Variants in KCND2 observed in about 807,000 individuals in gnomAD.
KCND2 encodes potassium voltage-gated channel subfamily D member 2.
A neutral mutation model predicts 54.4 loss-of-function variants in KCND2; 16 were observed. That is an observed-to-expected ratio of 0.29 (90% CI 0.20 to 0.45). KCND2 has a LOEUF of 0.45. Among genes scored for constraint, KCND2 ranks in the 20% least tolerant of loss-of-function variants. The pLI is 1.00. For missense variants in KCND2, 486 were observed against 824.2 expected (o/e 0.59, Z 5.02); for synonymous variants, 317 against 310.7 (o/e 1.02, Z -0.21).
At chr7:120,449,525 A>T (rs1563049617) in intron 1 of KCND2, among the ~76,000 whole-genome samples, 1 of 152,188 alleles carries the variant, frequency 6.6e-6, no homozygotes, top group Non-Finnish European at 1.5e-5. Context: ...TTTTCATAAA[A>T]CATTGGTTTA....
chr7:120,451,574 ACT>A (rs1218300283), intron 1 of KCND2, among the ~76,000 whole-genome samples: 4 of 152,164 alleles, frequency 2.6e-5, no homozygotes, highest in Non-Finnish European at 5.9e-5. Context: ...AGGTTGACAA[ACT>A]CTGATTCCTA....
intron 1 of KCND2, among the ~76,000 whole-genome samples, chr7:120,432,317 T>C (rs1801803137): frequency 6.6e-6 from 1 of 152,234 alleles, no homozygotes; most frequent in South Asian, 2.1e-4. Context: ...GTAGTATATG[T>C]ACATTGGGAT....
chr7:120,372,357 GA>G (rs1007172393), intron 1 of KCND2, among the ~76,000 whole-genome samples: 4 of 148,866 alleles, frequency 2.7e-5, no homozygotes, highest in East Asian at 2.0e-4. Context: ...ATCTGAAAAT[GA>G]AAAAAAAATG....
At chr7:120,610,844 TATTGCTTGGTAA>T (rs1463282212) in intron 1 of KCND2, among the ~76,000 whole-genome samples, 8 of 152,202 alleles carry the variant, frequency 5.3e-5, no homozygotes, top group African/African-American at 1.9e-4. Flanking sequence ...ACCTTGTTTT[TATTGCTTGGTAA>T]TGCAGATAAA....
At chr7:120,583,559 T>A (rs1792547341) in intron 1 of KCND2, among the ~76,000 whole-genome samples, 1 of 152,146 alleles carries the variant, frequency 6.6e-6, no homozygotes, top group Admixed American at 6.6e-5. Flanking sequence ...CTGTGAGGTC[T>A]CTCTCTGGCT....
intron 1 of KCND2, among the ~76,000 whole-genome samples, chr7:120,425,158 T>C (rs1369347345): frequency 6.6e-6 from 1 of 152,070 alleles, no homozygotes; most frequent in Non-Finnish European, 1.5e-5. Flanking sequence ...ATGTTTATAT[T>C]TATATAACAG....
Position 120,733,064 on chromosome 7 carries a change from A to C in KCND2, c.1277A>C (p.Lys426Thr). The C allele has an allele frequency of 6.2e-7, 1 of 1,613,382 alleles. No individual in the cohort carries two copies. The highest frequency in any genetic ancestry group is 8.5e-7 in the Non-Finnish European group (1 of 1,179,572). The stretch of plus-strand genomic sequence containing the variant: ...CGAGCAGACAAACGAAGGGCACAAA[A>C]GGTGCGTATTCAACTCCGTGCAACC... ...NQRADKRRAQKKARLARIRAA... is the reference protein window; with the variant it reads ...NQRADKRRAQTKARLARIRAA... The change falls in exon 2 of 6, where the codon AAG (lysine) becomes ACG (threonine). Residue 426 changes from lysine (K) to threonine (T), a missense_variant and splice_region_variant. Lys to Thr is a moderately conservative substitution (Grantham distance 78, BLOSUM62 -1). Coordinates refer to ENST00000331113, the MANE Select transcript of KCND2 (RefSeq NM_012281.3).
At chr7:120,517,037 C>T (rs1803206773) in intron 1 of KCND2, among the ~76,000 whole-genome samples, 1 of 152,034 alleles carries the variant, frequency 6.6e-6, no homozygotes, top group Admixed American at 6.6e-5. Flanking sequence ...ATTTTATGTT[C>T]AGCATGTCAA....
At chr7:120,585,194 A>G (rs1199471352) in intron 1 of KCND2, among the ~76,000 whole-genome samples, 2 of 151,772 alleles carry the variant, frequency 1.3e-5, no homozygotes, top group Non-Finnish European at 2.9e-5. Flanking sequence ...TTTTTTTTAA[A>G]GAAAATCTCC....
At chr7:120,491,565 CAG>C (rs1490374924) in intron 1 of KCND2, among the ~76,000 whole-genome samples, 1 of 151,980 alleles carries the variant, frequency 6.6e-6, no homozygotes, top group East Asian at 1.9e-4. Context: ...TGGTACATAA[CAG>C]AGCAAATTCT....
intron 1 of KCND2, among the ~76,000 whole-genome samples, chr7:120,588,299 GA>G (rs1792625792): frequency 6.6e-6 from 1 of 151,862 alleles, no homozygotes; most frequent in South Asian, 2.1e-4. Flanking sequence ...CTAAATTCCA[GA>G]ATTAAAATAC....
rs1307857085 is a variant in KCND2 at position 120,671,096 on chromosome 7, T to G, written c.1116-61807T>G. On this transcript the variant is annotated intron_variant, in intron 1 of 5. Coordinates refer to ENST00000331113, the MANE Select transcript of KCND2 (RefSeq NM_012281.3). ...TGTTTGTGCATGTAAATATGTTCAT[T>G]TTTAATGAGATAAGATTCGTTTTCT... Among the ~76,000 whole-genome samples the G allele has an allele frequency of 2.0e-5, 3 of 152,104 alleles. No homozygotes were observed. In the East Asian group the frequency reaches 5.8e-4, roughly 29 times the overall value.
chr7:120,384,777 T>A (rs1800963911), intron 1 of KCND2, among the ~76,000 whole-genome samples: 1 of 152,100 alleles, frequency 6.6e-6, no homozygotes, highest in African/African-American at 2.4e-5. Context: ...CATTTACATT[T>A]AGCTTGTCAG....
intron 1 of KCND2, among the ~76,000 whole-genome samples, chr7:120,701,240 TAAAAAAAAAAAAAAAAAAA>T (rs34803439): frequency 0.013 from 708 of 55,174 alleles, 22 homozygotes; most frequent in African/African-American, 0.036. Context: ...AATGCCTAGC[TAAAAAAAAAAAAAAAAAAA>T]AAAAAAAAAA....
At chr7:120,376,239 G>A (rs1800833803) in intron 1 of KCND2, among the ~76,000 whole-genome samples, 1 of 151,460 alleles carries the variant, frequency 6.6e-6, no homozygotes, top group African/African-American at 2.4e-5. Context: ...TTGAATTTTA[G>A]ATGAATTCTG....
At position 120,367,118 on chromosome 7, in the gene KCND2, C is replaced by T. The variant is rs1007844639; in HGVS notation, c.1115+91371C>T. ...ATGTCTTTATGATACATTATCCTTCCCAGATTTACATAAGGTGGTTGTCAT... is the reference window on the plus strand; with the variant it reads ...ATGTCTTTATGATACATTATCCTTCTCAGATTTACATAAGGTGGTTGTCAT... On this transcript the variant is annotated intron_variant, in intron 1 of 5. Coordinates refer to ENST00000331113, the MANE Select transcript of KCND2 (RefSeq NM_012281.3). Among the ~76,000 whole-genome samples, 11 of 152,132 alleles carry T rather than the reference C, an allele frequency of 7.2e-5. No individual in the cohort carries two copies. In the East Asian group the frequency reaches 2.1e-3, roughly 30 times the overall value.
chr7:120,649,366 A>G (rs1791695734), intron 1 of KCND2, among the ~76,000 whole-genome samples: 1 of 152,204 alleles, frequency 6.6e-6, no homozygotes, highest in Non-Finnish European at 1.5e-5. Flanking sequence ...TTCTAAAATA[A>G]GTAAGACTAT....
chr7:120,479,329 A>G (rs1358312350), intron 1 of KCND2, among the ~76,000 whole-genome samples: 1 of 152,164 alleles, frequency 6.6e-6, no homozygotes, highest in Non-Finnish European at 1.5e-5. Flanking sequence ...GAGTTTAAAA[A>G]GGTAATATTT....
At chr7:120,534,221 A>G (rs1433486494) in intron 1 of KCND2, among the ~76,000 whole-genome samples, 3 of 152,104 alleles carry the variant, frequency 2.0e-5, no homozygotes, top group Non-Finnish European at 4.4e-5. Context: ...GAAGCTTGAA[A>G]AACATTATCT....
Sources: allele counts gnomAD v4.1 joint callset (sites outside exome capture counted in the v4.1 genomes callset), GRCh38; gene constraint gnomAD v4.1.1; transcripts MANE v1.5; gene names NCBI Gene and HGNC (gene_info 2026-07-23, HGNC 2026-07-21).